Variants in CCDC7 observed in about 807,000 individuals in gnomAD.
The protein encoded by CCDC7 is coiled-coil domain containing 7, also known as coiled-coil domain-containing protein 7.
CCDC7 carries 183 observed loss-of-function variants against 196.9 expected under a neutral mutation model. That is an observed-to-expected ratio of 0.93 (90% CI 0.82 to 1.05). The LOEUF is 1.05. Among genes scored for constraint, CCDC7 ranks in the 50% least tolerant of loss-of-function variants. CCDC7 has a pLI of 0.00. For synonymous variants in CCDC7, 525 were observed against 484.6 expected (o/e 1.08, Z -1.10); for missense variants, 1,540 against 1,482.2 (o/e 1.04, Z -0.64).
At chr10:32,748,122 A>G (rs1201777636) in intron 28 of CCDC7, among the ~76,000 whole-genome samples, 2 of 152,174 alleles carry the variant, frequency 1.3e-5, no homozygotes, top group South Asian at 2.1e-4. Context: ...CAGAAAACCA[A>G]ATACCACATG....
At chr10:32,878,641 A>T (rs781537144), downstream of CCDC7, among the ~76,000 whole-genome samples, 10 of 152,164 alleles carry the variant, frequency 6.6e-5, no homozygotes, top group Non-Finnish European at 8.8e-5. Flanking sequence ...CTCCCAGATT[A>T]TGAGGTAGTC....
chr10:32,513,461 TAA>T (rs2046537212), intron 9 of CCDC7: 1 of 152,078 alleles, frequency 6.6e-6, no homozygotes, highest in Non-Finnish European at 1.5e-5. Flanking sequence ...TCTAAAAAAT[TAA>T]AGAGTTCACA....
At chr10:32,662,607 C>T (rs1354918187) in intron 20 of CCDC7, among the ~76,000 whole-genome samples, 1 of 152,114 alleles carries the variant, frequency 6.6e-6, no homozygotes, top group Non-Finnish European at 1.5e-5. Context: ...CAACTAGAGC[C>T]ATAGATGTCT....
chr10:32,673,133 C>T (rs1177388897), intron 21 of CCDC7, among the ~76,000 whole-genome samples: 6 of 152,114 alleles, frequency 3.9e-5, no homozygotes, highest in African/African-American at 1.2e-4. Flanking sequence ...TCTGGACTCC[C>T]TGTTACATTG....
chr10:32,692,588 G>A (rs569232993), intron 23 of CCDC7, among the ~76,000 whole-genome samples: 2 of 152,162 alleles, frequency 1.3e-5, no homozygotes, highest in Non-Finnish European at 2.9e-5. Flanking sequence ...CTACCAAAGT[G>A]TTCCTTCCAG....
At chr10:32,570,219 T>C (rs2057378545) in intron 15 of CCDC7, among the ~76,000 whole-genome samples, 1 of 152,182 alleles carries the variant, frequency 6.6e-6, no homozygotes, top group South Asian at 2.1e-4. Context: ...TCCATCTAAT[T>C]GCTGAAACTA....
chr10:32,630,814 TG>T (rs2064760355), intron 18 of CCDC7, among the ~76,000 whole-genome samples: 1 of 152,180 alleles, frequency 6.6e-6, no homozygotes, highest in Admixed American at 6.6e-5. Flanking sequence ...TTATATGCTG[TG>T]TCAGTTAGAA....
chr10:32,834,805 AT>A lies in CCDC7; in HGVS notation c.3269-5del, dbSNP rs1178421352. 2.3e-6 allele frequency: 3 copies of A among 1,318,946 alleles called. No individual in the cohort carries two copies. Among genetic ancestry groups the A allele is most frequent in the South Asian group, 1.2e-5 (1 of 82,444 alleles). 81.7% of individuals were successfully genotyped at this position (1,318,946 alleles called of 1,614,324 possible). Reference sequence around the variant, plus strand: ...TCAAAGCGTTTTGAAAACCTGTTTTATTTTTATAGAGACTGTCTTAAAACAC... The same window carrying A: ...TCAAAGCGTTTTGAAAACCTGTTTTATTTTATAGAGACTGTCTTAAAACAC... On this transcript the variant is annotated splice_polypyrimidine_tract_variant and intron_variant, in intron 32 of 41. Coordinates refer to ENST00000639629, the Ensembl canonical transcript of CCDC7.
At chr10:32,744,912 A>G (rs1361617700) in intron 28 of CCDC7, among the ~76,000 whole-genome samples, 1 of 152,156 alleles carries the variant, frequency 6.6e-6, no homozygotes, top group East Asian at 1.9e-4. Flanking sequence ...TCACCTAGGA[A>G]TCTTTTATAT....
At chr10:32,558,944 A>C (rs1344231981) in intron 13 of CCDC7, among the ~76,000 whole-genome samples, 2 of 152,222 alleles carry the variant, frequency 1.3e-5, no homozygotes, top group African/African-American at 4.8e-5. Context: ...CAGCACCTGG[A>C]AATCAGGTCA....
intron 18 of CCDC7, among the ~76,000 whole-genome samples, chr10:32,611,255 T>G (rs1419545574): frequency 1.3e-5 from 2 of 152,248 alleles, no homozygotes; most frequent in Non-Finnish European, 2.9e-5. Context: ...TTTGCCCACT[T>G]TTTGATGGGG....
chr10:32,686,545 T>C (rs2076487257), intron 22 of CCDC7, among the ~76,000 whole-genome samples: 1 of 152,094 alleles, frequency 6.6e-6, no homozygotes, highest in Non-Finnish European at 1.5e-5. Context: ...GGGCATTCTG[T>C]TGGTTGGGGC....
chr10:32,483,384 T>C (rs1427890314), intron 8 of CCDC7, among the ~76,000 whole-genome samples: 2 of 152,248 alleles, frequency 1.3e-5, no homozygotes, highest in East Asian at 3.8e-4. Context: ...CATTGTAGAT[T>C]CTGGATATTA....
intron 33 of CCDC7, among the ~76,000 whole-genome samples, chr10:32,836,872 T>A (rs2092646078): frequency 6.6e-6 from 1 of 152,174 alleles, no homozygotes; most frequent in Non-Finnish European, 1.5e-5. Flanking sequence ...GCTAGCCATA[T>A]GTAGAAAGCT....
chr10:32,527,486 G>T (rs1308304956), intron 11 of CCDC7, among the ~76,000 whole-genome samples: 1 of 152,094 alleles, frequency 6.6e-6, no homozygotes, highest in Non-Finnish European at 1.5e-5. Context: ...CTTCTATTTT[G>T]CCATCTTGCC....
chr10:32,669,811 G>T (rs1021437953), intron 21 of CCDC7, among the ~76,000 whole-genome samples: 2 of 151,582 alleles, frequency 1.3e-5, no homozygotes, highest in African/African-American at 4.8e-5. Flanking sequence ...TTTTTTTGTT[G>T]TTGTTGTTGT....
intron 31 of CCDC7, among the ~76,000 whole-genome samples, chr10:32,819,061 C>A (rs1481151509): frequency 6.6e-6 from 1 of 151,962 alleles, no homozygotes; most frequent in African/African-American, 2.4e-5. Flanking sequence ...AATTGATAGA[C>A]CACTAGCAAG....
intron 9 of CCDC7, among the ~76,000 whole-genome samples, chr10:32,506,293 G>A (rs1024109485): frequency 5.6e-5 from 8 of 142,058 alleles, no homozygotes; most frequent in South Asian, 2.3e-4. Context: ...CATCCCAGAC[G>A]ATGGGCGGCC....
chr10:32,665,168 C>T (rs2072385348), intron 21 of CCDC7, among the ~76,000 whole-genome samples: 3 of 151,946 alleles, frequency 2.0e-5, no homozygotes, highest in African/African-American at 7.2e-5. Context: ...TGATTGTTTT[C>T]TAACTATTGA....
Sources: allele counts gnomAD v4.1 joint callset (sites outside exome capture counted in the v4.1 genomes callset), GRCh38; gene constraint gnomAD v4.1.1; transcripts MANE v1.5; gene names NCBI Gene and HGNC (gene_info 2026-07-23, HGNC 2026-07-21).